Variants in SNN observed in about 807,000 individuals in gnomAD.
SNN encodes the protein AG8_1.
SNN carries 5 observed loss-of-function variants against 5.3 expected under a neutral mutation model. That is an observed-to-expected ratio of 0.94 (90% CI 0.49 to 1.97). The LOEUF (loss-of-function observed/expected upper bound fraction) is 1.97. Among genes scored for constraint, SNN ranks in the 30% most tolerant of loss-of-function variants. The probability of loss-of-function intolerance (pLI) is 0.01; values close to 1 mark genes in which losing one functional copy is unlikely to be tolerated. For synonymous variants in SNN, 67 were observed against 52.1 expected (o/e 1.29, Z -1.24); for missense variants, 127 against 121.6 (o/e 1.04, Z -0.21).
intron 1 of SNN, among the ~76,000 whole-genome samples, chr16:11,674,650 G>A (rs1295223929): frequency 6.6e-6 from 1 of 152,230 alleles, no homozygotes; most frequent in African/African-American, 2.4e-5. Context: ...CCTGGCCTGG[G>A]AGGGGCCTCA....
rs7194034 is a variant in SNN, at chr16:11,676,921, A to G, written c.*595A>G. 96,708 of 167,486 alleles carry G rather than the reference A, an allele frequency of 0.58. 28,696 individuals are homozygous for G. The highest frequency in any genetic ancestry group is 0.7 in the African/African-American group (29,009 of 41,478). 10.4% of individuals were successfully genotyped at this position (167,486 alleles called of 1,614,324 possible). A position where few individuals can be genotyped will look rare whatever the true frequency, so the allele number is the denominator to read the frequency against. ...GGGGTGCTTGGGTGATCTCTGCTTC[A>G]TTAGTCATGGGTGGAAGAAAAACCA... is the stretch of plus-strand genomic sequence containing the variant. On this transcript the variant is annotated 3_prime_UTR_variant, in exon 2 of 2. Coordinates refer to ENST00000329565, the MANE Select transcript of SNN (RefSeq NM_003498.6).
chr16:11,672,146 A>G lies in SNN; in HGVS notation c.-86+3606A>G, dbSNP rs768387393. ...TCATCACTGTATCTGCAGGGAGGGA[A>G]CACTCAACAGACCATTCACTGAGCA... is the stretch of plus-strand genomic sequence containing the variant. On this transcript the variant is annotated intron_variant, in intron 1 of 1. Coordinates refer to ENST00000329565, the MANE Select transcript of SNN (RefSeq NM_003498.6). The surrounding 1 kb of genome is among the most constrained non-coding windows in gnomAD (Gnocchi z 6.0). Among the ~76,000 whole-genome samples, 5 of 152,144 alleles carry G rather than the reference A, an allele frequency of 3.3e-5. No individual in the cohort carries two copies. The highest frequency in any genetic ancestry group is 7.3e-5 in the Non-Finnish European group (5 of 68,028).
At chr16:11,673,518 G>C (rs1236266365) in intron 1 of SNN, among the ~76,000 whole-genome samples, 1 of 152,188 alleles carries the variant, frequency 6.6e-6, no homozygotes, top group South Asian at 2.1e-4. Context: ...TCTGCGTGGT[G>C]GGGGCTGCCC....
At chr16:11,669,909 G>A (rs2050256662) in intron 1 of SNN, among the ~76,000 whole-genome samples, 1 of 152,176 alleles carries the variant, frequency 6.6e-6, no homozygotes, top group Admixed American at 6.5e-5. Flanking sequence ...CATGGGTGGG[G>A]GTGGAGGATG....
rs1428126034 is a variant in SNN at position 11,671,947 on chromosome 16, G to T, written c.-86+3407G>T. Among the ~76,000 whole-genome samples the T allele has an allele frequency of 1.3e-5, 2 of 152,184 alleles. No homozygotes were observed. Among genetic ancestry groups the T allele is most frequent in the African/African-American group, 4.8e-5 (2 of 41,436 alleles). ...GGCTCAGGCCTGCCCTAATCCACTG[G>T]CACTCGCCGTTCTGTCCCCACACTA... is the stretch of plus-strand genomic sequence containing the variant. On this transcript the variant is annotated intron_variant, in intron 1 of 1. Transcript: ENST00000329565. The surrounding 1 kb of genome is among the most constrained non-coding windows in gnomAD (Gnocchi z 4.7).
chr16:11,670,859 A>T (rs1597387976), intron 1 of SNN, among the ~76,000 whole-genome samples: 2 of 152,046 alleles, frequency 1.3e-5, no homozygotes, highest in Admixed American at 1.3e-4. Flanking sequence ...ACAGGAGGAT[A>T]CCCGTCCCCT....
rs8191284 is a variant in SNN, at chr16:11,671,434, A to C, written c.-86+2894A>C. On this transcript the variant is annotated intron_variant, in intron 1 of 1. Coordinates refer to ENST00000329565, the MANE Select transcript of SNN (RefSeq NM_003498.6). The surrounding 1 kb of genome is among the most constrained non-coding windows in gnomAD (Gnocchi z 4.7). ...GGGTCCTGGCCCCTCTGCACTTGGA[A>C]GACCCCTTGGCTCTGCTGGGCTCCC... Among the ~76,000 whole-genome samples the C allele has an allele frequency of 0.031, 4,714 of 152,212 alleles. 244 individuals are homozygous for C. Among genetic ancestry groups the C allele is most frequent in the African/African-American group, 0.11 (4,489 of 41,508 alleles).
rs746018335 is a variant in SNN, at chr16:11,676,306, G to A, written c.247G>A (p.Gly83Ser). 5.0e-6 allele frequency: 8 copies of A among 1,613,294 alleles called. No homozygotes were observed. The highest frequency in any genetic ancestry group is 1.6e-4 in the Middle Eastern group (1 of 6,076). The stretch of plus-strand genomic sequence containing the variant: ...AAAGGCCAAGCTGATGACTCCCAAC[G>A]GCCCGGAAGTCCACGGCTGAGCCAG... ...ERKAKLMTPN[G>S]PEVHG The change falls in exon 2 of 2, where the codon GGC becomes AGC. Residue 83 changes from glycine (G) to serine (S), a missense_variant. Transcript: ENST00000329565.
At chr16:11,674,799 C>T (rs1682609366) in intron 1 of SNN, among the ~76,000 whole-genome samples, 1 of 152,224 alleles carries the variant, frequency 6.6e-6, no homozygotes, top group African/African-American at 2.4e-5. Context: ...TCCCTGCCTC[C>T]CACCTGCCCA....
intron 1 of SNN, among the ~76,000 whole-genome samples, chr16:11,674,126 G>A (rs1001811357): frequency 2.0e-5 from 3 of 152,190 alleles, no homozygotes; most frequent in Non-Finnish European, 2.9e-5. Flanking sequence ...CAGCAGGTTC[G>A]ACCCTATTTG....
chr16:11,669,390 G>A (rs909656280), intron 1 of SNN, among the ~76,000 whole-genome samples: 9 of 152,276 alleles, frequency 5.9e-5, no homozygotes, highest in Non-Finnish European at 1.2e-4. Flanking sequence ...TCAGGCACGC[G>A]GGAGAGGAGG....
rs1393114582 is a variant in SNN, at chr16:11,668,640, G to A, written c.-86+100G>A. ...CAGGACGAGGAGGGGCGCGCGCGGC[G>A]GCGGGGCCGGGCCGGGGTCTGCGGG... On this transcript the variant is annotated intron_variant, in intron 1 of 1. Coordinates refer to ENST00000329565, the MANE Select transcript of SNN (RefSeq NM_003498.6). This position sits in a 1 kb window ranked among gnomAD's most constrained non-coding sequence, Gnocchi z 6.8. The A allele has an allele frequency of 2.7e-5, 4 of 146,028 alleles. No individual in the cohort carries two copies. Among genetic ancestry groups the A allele is most frequent in the Non-Finnish European group, 6.1e-5 (4 of 65,334 alleles). 9.0% of individuals were successfully genotyped at this position (146,028 alleles called of 1,614,324 possible).
Position 11,672,250 on chromosome 16 carries a change from C to T in SNN, c.-86+3710C>T, listed in dbSNP as rs879485725. 2.6e-5 allele frequency among the ~76,000 whole-genome samples: 4 copies of T among 152,112 alleles called. No homozygotes were observed. Among genetic ancestry groups the T allele is most frequent in the Admixed American group, 6.5e-5 (1 of 15,270 alleles). On this transcript the variant is annotated intron_variant, in intron 1 of 1. Coordinates refer to ENST00000329565, the MANE Select transcript of SNN (RefSeq NM_003498.6). This position sits in a 1 kb window ranked among gnomAD's most constrained non-coding sequence, Gnocchi z 6.0. ...GCCCTCCTTGGACTGCCTTGGAGTC[C>T]AGTGCGGGGAGTGAGACAGCAGCCA...
In SNN at chr16:11,672,838, C is replaced by A. The variant is rs1461974610; in HGVS notation, c.-85-3137C>A. On this transcript the variant is annotated intron_variant, in intron 1 of 1. Coordinates refer to ENST00000329565, the MANE Select transcript of SNN (RefSeq NM_003498.6). This position sits in a 1 kb window ranked among gnomAD's most constrained non-coding sequence, Gnocchi z 6.0. ...CCTGTGCCTCAGTTTCCTCATTAGT[C>A]CTGGGGCCAGTGGTTGAACTGGGGC... Among the ~76,000 whole-genome samples the A allele has an allele frequency of 6.6e-6, 1 of 152,082 alleles. No homozygotes were observed. The highest frequency in any genetic ancestry group is 1.5e-5 in the Non-Finnish European group (1 of 68,002).
At position 11,671,970 on chromosome 16, in the gene SNN, C is replaced by G. The variant is rs899976133; in HGVS notation, c.-86+3430C>G. 1.3e-5 allele frequency among the ~76,000 whole-genome samples: 2 copies of G among 152,354 alleles called. No individual in the cohort carries two copies. Among genetic ancestry groups the G allele is most frequent in the East Asian group, 1.9e-4 (1 of 5,182 alleles). On this transcript the variant is annotated intron_variant, in intron 1 of 1. Transcript: ENST00000329565. The surrounding 1 kb of genome is among the most constrained non-coding windows in gnomAD (Gnocchi z 4.7). Reference sequence around the variant, plus strand: ...TGGCACTCGCCGTTCTGTCCCCACACTAGGCCTGCAGCCTTCTCCCATGCA... The same window carrying G: ...TGGCACTCGCCGTTCTGTCCCCACAGTAGGCCTGCAGCCTTCTCCCATGCA...
Position 11,676,455 on chromosome 16 carries a change from G to A in SNN, c.*129G>A, listed in dbSNP as rs1018809020. ...TGCTGGCATGGCCTCTGCGGGCTTC[G>A]TCATCGCATGCACTGATGCCCGGGG... is the stretch of plus-strand genomic sequence containing the variant. On this transcript the variant is annotated 3_prime_UTR_variant, in exon 2 of 2. Transcript: ENST00000329565. 63 of 1,165,004 alleles carry A rather than the reference G, an allele frequency of 5.4e-5. No individual in the cohort carries two copies. The highest frequency in any genetic ancestry group is 2.9e-4 in the Middle Eastern group (1 of 3,402). 72.2% of individuals were successfully genotyped at this position (1,165,004 alleles called of 1,614,324 possible).
At chr16:11,674,216 G>A (rs919831457) in intron 1 of SNN, among the ~76,000 whole-genome samples, 1 of 152,234 alleles carries the variant, frequency 6.6e-6, no homozygotes, top group African/African-American at 2.4e-5. Context: ...CAGACGTGTC[G>A]TTCTGAGTGC....
In SNN at chr16:11,671,201, T is replaced by C. The variant is rs558986880; in HGVS notation, c.-86+2661T>C. ...TGTTTGAGGATGCTGGGGCAGGGGG[T>C]TCTGGAGAGCCTGGGCCTTGGATCT... is the stretch of plus-strand genomic sequence containing the variant. On this transcript the variant is annotated intron_variant, in intron 1 of 1. Coordinates refer to ENST00000329565, the MANE Select transcript of SNN (RefSeq NM_003498.6). The surrounding 1 kb of genome is among the most constrained non-coding windows in gnomAD (Gnocchi z 4.7). Among the ~76,000 whole-genome samples, 25 of 152,142 alleles carry C rather than the reference T, an allele frequency of 1.6e-4. No homozygotes were observed. Among genetic ancestry groups the C allele is most frequent in the African/African-American group, 5.8e-4 (24 of 41,490 alleles).
At chr16:11,670,757 G>A (rs181581292) in intron 1 of SNN, among the ~76,000 whole-genome samples, 1 of 152,186 alleles carries the variant, frequency 6.6e-6, no homozygotes, top group Admixed American at 6.5e-5. Flanking sequence ...GCTCTACTGC[G>A]GTCTGTGGGC....
Sources: allele counts gnomAD v4.1 joint callset (sites outside exome capture counted in the v4.1 genomes callset), GRCh38; gene constraint gnomAD v4.1.1; non-coding constraint Gnocchi (gnomAD v3.1); transcripts MANE v1.5; gene names NCBI Gene and HGNC (gene_info 2026-07-23, HGNC 2026-07-21).